Variants in EPHB1 observed in about 807,000 individuals in gnomAD.
EPHB1 encodes the protein ephrin type-B receptor 1.
A neutral mutation model predicts 94.4 loss-of-function variants in EPHB1; 30 were observed. The observed-to-expected ratio is 0.32, with a 90% CI of 0.24 to 0.43. The LOEUF is 0.43. Among genes scored for constraint, EPHB1 ranks in the 20% least tolerant of loss-of-function variants. The pLI is 1.00. For missense variants in EPHB1, 1,055 were observed against 1,308.3 expected, an observed-to-expected ratio of 0.81 and a Z score of 2.99; for synonymous variants, 522 against 489.1, an observed-to-expected ratio of 1.07 and a Z score of -0.89.
At chr3:134,815,314 G>A (rs1159802477) in intron 1 of EPHB1, among the ~76,000 whole-genome samples, 1 of 152,042 alleles carries the variant, frequency 6.6e-6, no homozygotes, top group African/African-American at 2.4e-5. Context: ...GGAGTAAATG[G>A]CCATGATGTA....
intron 5 of EPHB1, among the ~76,000 whole-genome samples, chr3:135,141,295 T>A (rs911429571): frequency 6.6e-6 from 1 of 152,182 alleles, no homozygotes; most frequent in Non-Finnish European, 1.5e-5. Flanking sequence ...CTCTGAATTG[T>A]GCTTGTTAAA....
intron 5 of EPHB1, among the ~76,000 whole-genome samples, chr3:135,150,197 A>T (rs1941150412): frequency 6.6e-6 from 1 of 152,220 alleles, no homozygotes; most frequent in South Asian, 2.1e-4. Context: ...ATGATGTTTC[A>T]GCTCTCAAGA....
chr3:135,221,669 C>G (rs556861293), intron 12 of EPHB1, among the ~76,000 whole-genome samples: 1 of 152,260 alleles, frequency 6.6e-6, no homozygotes, highest in East Asian at 1.9e-4. Context: ...CAGTTGTTAA[C>G]TTGGAGTCAG....
chr3:134,930,514 C>A (rs983544746), intron 2 of EPHB1, among the ~76,000 whole-genome samples: 4 of 152,186 alleles, frequency 2.6e-5, no homozygotes, highest in African/African-American at 9.6e-5. Flanking sequence ...CCTGGTGACC[C>A]TTTCTTTGGG....
chr3:135,030,917 A>G (rs1322230781), intron 3 of EPHB1, among the ~76,000 whole-genome samples: 2 of 152,096 alleles, frequency 1.3e-5, no homozygotes, highest in Non-Finnish European at 2.9e-5. Flanking sequence ...GCGGCATGTA[A>G]TCTCGTGGTG....
intron 3 of EPHB1, among the ~76,000 whole-genome samples, chr3:135,101,883 C>A (rs544008637): frequency 6.6e-6 from 1 of 152,274 alleles, no homozygotes; most frequent in East Asian, 1.9e-4. Flanking sequence ...TGTGTGCACA[C>A]AAGCATAGCA....
chr3:135,259,141 A>G lies in EPHB1; in HGVS notation c.*21A>G. On this transcript the variant is annotated 3_prime_UTR_variant, in exon 16 of 16. Transcript: ENST00000398015. The stretch of plus-strand genomic sequence containing the variant: ...CATGAGAACTCTTGTTTCTTGGGGA[A>G]GGAGAGGAGGGAAAAGGACCAGGGT... 1.3e-6 allele frequency: 2 copies of G among 1,580,830 alleles called. No homozygotes were observed. Among genetic ancestry groups the G allele is most frequent in the Middle Eastern group, 3.3e-4 (2 of 6,012 alleles).
chr3:135,073,567 C>T (rs1474018494), intron 3 of EPHB1, among the ~76,000 whole-genome samples: 1 of 152,086 alleles, frequency 6.6e-6, no homozygotes, highest in Admixed American at 6.5e-5. Context: ...AGTAAATAAC[C>T]GTAATACCAT....
intron 3 of EPHB1, among the ~76,000 whole-genome samples, chr3:135,072,480 C>T (rs1397432118): frequency 1.3e-5 from 2 of 152,162 alleles, no homozygotes; most frequent in Non-Finnish European, 2.9e-5. Flanking sequence ...TTTTACCAGC[C>T]CTCTGGAACC....
intron 3 of EPHB1, among the ~76,000 whole-genome samples, chr3:135,079,076 T>A (rs1938057425): frequency 7.2e-6 from 1 of 139,770 alleles, no homozygotes. Context: ...TGGACATACG[T>A]AAAAACAAGC....
intron 3 of EPHB1, among the ~76,000 whole-genome samples, chr3:135,045,785 G>A (rs1429340787): frequency 1.3e-5 from 2 of 152,094 alleles, no homozygotes; most frequent in Non-Finnish European, 2.9e-5. Context: ...TCAAGCCAGA[G>A]GTAAAAGTTC....
At chr3:134,926,591 C>T (rs2038796246) in intron 2 of EPHB1, among the ~76,000 whole-genome samples, 1 of 152,152 alleles carries the variant, frequency 6.6e-6, no homozygotes, top group South Asian at 2.1e-4. Flanking sequence ...TATGAAAACA[C>T]ATAAGAGGGA....
At chr3:134,887,425 T>C (rs2037883158) in intron 1 of EPHB1, among the ~76,000 whole-genome samples, 1 of 152,120 alleles carries the variant, frequency 6.6e-6, no homozygotes, top group Non-Finnish European at 1.5e-5. Context: ...TGGAGAAATA[T>C]CATTTTTGGA....
intron 2 of EPHB1, among the ~76,000 whole-genome samples, chr3:134,926,287 AC>A (rs2038789598): frequency 6.6e-6 from 1 of 152,318 alleles, no homozygotes; most frequent in African/African-American, 2.4e-5. Flanking sequence ...CCTTGGAGAG[AC>A]ATTAATGATT....
At chr3:135,159,336 T>C (rs552625305) in intron 6 of EPHB1, among the ~76,000 whole-genome samples, 22 of 152,222 alleles carry the variant, frequency 1.4e-4, no homozygotes, top group Non-Finnish European at 2.8e-4. Flanking sequence ...TATGGAGTAA[T>C]GTTTGGTCCT....
chr3:134,994,239 C>T (rs894174914), intron 3 of EPHB1, among the ~76,000 whole-genome samples: 5 of 152,060 alleles, frequency 3.3e-5, no homozygotes, highest in African/African-American at 9.7e-5. Context: ...ATTTGTTGAA[C>T]AAATAAGCGA....
At chr3:135,111,805 G>A (rs138252767) in intron 4 of EPHB1, among the ~76,000 whole-genome samples, 103 of 152,120 alleles carry the variant, frequency 6.8e-4, no homozygotes, top group Middle Eastern at 3.4e-3. Flanking sequence ...TCAGCCTCCC[G>A]AGTAGCTGGG....
chr3:134,934,733 G>A (rs2038969897), intron 2 of EPHB1, among the ~76,000 whole-genome samples: 1 of 151,434 alleles, frequency 6.6e-6, no homozygotes, highest in South Asian at 2.1e-4. Context: ...GAGAGAGAGA[G>A]AAGCTTTCCT....
intron 1 of EPHB1, among the ~76,000 whole-genome samples, chr3:134,890,347 C>T (rs1377618892): frequency 6.6e-6 from 1 of 152,234 alleles, no homozygotes; most frequent in East Asian, 1.9e-4. Context: ...CATGTTGAGA[C>T]AAGTTGCTCT....
Sources: allele counts gnomAD v4.1 joint callset (sites outside exome capture counted in the v4.1 genomes callset), GRCh38; gene constraint gnomAD v4.1.1; transcripts MANE v1.5; gene names NCBI Gene and HGNC (gene_info 2026-07-23, HGNC 2026-07-21).